NRXN3: variants seen among roughly 807,000 people sequenced by gnomAD.
The protein encoded by NRXN3 is neurexin 3.
NRXN3 carries 32 observed loss-of-function variants against 137.6 expected under a neutral mutation model. That is an observed-to-expected ratio of 0.23 (90% CI 0.18 to 0.31). The LOEUF is 0.31. Among genes scored for constraint, NRXN3 ranks in the 10% least tolerant of loss-of-function variants. The probability of loss-of-function intolerance (pLI) is 1.00; values close to 1 mark genes in which losing one functional copy is unlikely to be tolerated. For missense variants in NRXN3, 1,574 were observed against 2,062.5 expected, an observed-to-expected ratio of 0.76 and a Z score of 4.59; for synonymous variants, 798 against 784.5, an observed-to-expected ratio of 1.02 and a Z score of -0.29.
At chr14:79,415,520 T>C (rs1226184566) in intron 15 of NRXN3, among the ~76,000 whole-genome samples, 1 of 152,138 alleles carries the variant, frequency 6.6e-6, no homozygotes, top group African/African-American at 2.4e-5. Context: ...CTGAAGATTT[T>C]TGTGTCTGTG....
intron 1 of NRXN3, among the ~76,000 whole-genome samples, chr14:78,192,661 A>G (rs745989313): frequency 1.3e-5 from 2 of 152,080 alleles, no homozygotes; most frequent in Non-Finnish European, 2.9e-5. Context: ...AGTGTGAAGA[A>G]GGACTCCCTG....
intron 6 of NRXN3, among the ~76,000 whole-genome samples, chr14:78,689,157 T>C (rs2098148171): frequency 6.6e-6 from 1 of 152,090 alleles, no homozygotes; most frequent in South Asian, 2.1e-4. Flanking sequence ...TTTTCTCTTG[T>C]TATTTTGAAA....
intron 15 of NRXN3, among the ~76,000 whole-genome samples, chr14:79,255,683 A>G (rs1275184476): frequency 1.3e-5 from 2 of 152,256 alleles, no homozygotes; most frequent in East Asian, 1.9e-4. Flanking sequence ...TGTAATTTTC[A>G]ACATGGTGCT....
chr14:78,235,418 C>T (rs982873165), intron 1 of NRXN3, among the ~76,000 whole-genome samples: 1 of 152,010 alleles, frequency 6.6e-6, no homozygotes, highest in Non-Finnish European at 1.5e-5. Flanking sequence ...GTTCTTTAGC[C>T]AGTGACCAGT....
chr14:79,097,467 A>G (rs1006412611), intron 15 of NRXN3, among the ~76,000 whole-genome samples: 20 of 152,172 alleles, frequency 1.3e-4, no homozygotes, highest in African/African-American at 4.8e-4. Context: ...CAGATTAGGA[A>G]ATGAATTTAC....
At position 78,279,563 on chromosome 14, in the gene NRXN3, G is replaced by A. The variant is rs977275237; in HGVS notation, c.727+901G>A. 6 of 152,054 alleles carry A rather than the reference G, an allele frequency of 3.9e-5. No individual in the cohort carries two copies. In the South Asian group the frequency reaches 6.2e-4, roughly 16 times the overall value. 9.4% of individuals were successfully genotyped at this position (152,054 alleles called of 1,614,324 possible). On this transcript the variant is annotated intron_variant, in intron 3 of 20. Transcript: ENST00000335750. Reference sequence around the variant, plus strand: ...TATTTAATTTTTATAGCATTAATACGAGATAAGTATCATTATATTCATTTT... The same window carrying A: ...TATTTAATTTTTATAGCATTAATACAAGATAAGTATCATTATATTCATTTT...
rs1177541167 is a variant in NRXN3 at position 78,248,302 on chromosome 14, G to GCCCCC, written c.709+4510_709+4514dup. Reference sequence around the variant, plus strand: ...CAGTAGTGACTAGCCACCGCCCCCCGCCCCCCCCCCCCCCACCCGCCACCT... The same window carrying GCCCCC: ...CAGTAGTGACTAGCCACCGCCCCCCGCCCCCCCCCCCCCCCCCCCACCCGCCACCT... On this transcript the variant is annotated intron_variant, in intron 2 of 20. Coordinates refer to ENST00000335750, the MANE Select transcript of NRXN3 (RefSeq NM_001330195.2). 6.2e-4 allele frequency among the ~76,000 whole-genome samples: 14 copies of GCCCCC among 22,542 alleles called. No homozygotes were observed. The South Asian group carries it at 8.2e-3, about 13-fold the overall frequency. The allele number at this position is 22,542 out of a possible 152,430, so 14.8% of individuals were successfully genotyped here. A position where few individuals can be genotyped will look rare whatever the true frequency, so the allele number is the denominator to read the frequency against.
chr14:79,442,911 C>T (rs1225207744), intron 15 of NRXN3, among the ~76,000 whole-genome samples: 1 of 152,172 alleles, frequency 6.6e-6, no homozygotes, highest in Non-Finnish European at 1.5e-5. Context: ...TACTGCATTT[C>T]CCAGTGAAGT....
chr14:79,098,143 A>G (rs1255194331), intron 15 of NRXN3, among the ~76,000 whole-genome samples: 3 of 152,126 alleles, frequency 2.0e-5, no homozygotes, highest in Non-Finnish European at 4.4e-5. Flanking sequence ...TAGGATTTAA[A>G]ATGCTTTATT....
chr14:79,120,338 TAAC>T, intron 15 of NRXN3, among the ~76,000 whole-genome samples: 1 of 152,058 alleles, frequency 6.6e-6, no homozygotes, highest in East Asian at 1.9e-4. Flanking sequence ...CTTTAAGTAA[TAAC>T]AAAGCTGAAA....
intron 15 of NRXN3, among the ~76,000 whole-genome samples, chr14:79,276,891 C>T (rs1282468888): frequency 1.3e-5 from 2 of 152,118 alleles, no homozygotes; most frequent in African/African-American, 4.8e-5. Context: ...TTCATTCAGC[C>T]AGTATTTACT....
rs1338237743 is a variant in NRXN3, at chr14:78,235,040, G to GTATATATATATATATATA, written c.-703-7350_-703-7349insATATATATATATATATAT. Among the ~76,000 whole-genome samples the GTATATATATATATATATA allele has an allele frequency of 1.3e-3, 131 of 103,772 alleles. 1 individual carries two copies. The highest frequency in any genetic ancestry group is 3.7e-3 in the African/African-American group (117 of 31,242). The allele number at this position is 103,772 out of a possible 152,430, so 68.1% of individuals were successfully genotyped here. ...TATATATATGTGTATATATATATGT[G>GTATATATATATATATATA]TGTGTGTGTGTGTGTGTCTTTTTGT... is the stretch of plus-strand genomic sequence containing the variant. On this transcript the variant is annotated intron_variant, in intron 1 of 20. Coordinates refer to ENST00000335750, the MANE Select transcript of NRXN3 (RefSeq NM_001330195.2).
In NRXN3 at chr14:78,523,616, G is replaced by A. The variant is rs529187654; in HGVS notation, c.758-121504G>A. Among the ~76,000 whole-genome samples, 12 of 138,904 alleles carry A rather than the reference G, an allele frequency of 8.6e-5. No individual in the cohort carries two copies. In the South Asian group the frequency reaches 1.4e-3, roughly 16 times the overall value. 91.1% of individuals were successfully genotyped at this position (138,904 alleles called of 152,430 possible). ...AGATTGAGACCATCCTGGCTAACAC[G>A]GTGAAACCCCGTCTCTACTACAAAT... On this transcript the variant is annotated intron_variant, in intron 4 of 20. Transcript: ENST00000335750.
intron 16 of NRXN3, among the ~76,000 whole-genome samples, chr14:79,544,973 A>G (rs1317705265): frequency 1.3e-5 from 2 of 152,204 alleles, no homozygotes; most frequent in Non-Finnish European, 1.5e-5. Context: ...AGATGTTCAT[A>G]GTCTCTTCTA....
intron 19 of NRXN3, among the ~76,000 whole-genome samples, chr14:79,799,886 G>A (rs2140465717): frequency 6.6e-6 from 1 of 152,276 alleles, no homozygotes; most frequent in South Asian, 2.1e-4. Flanking sequence ...GAGGAACTGT[G>A]TCTTATCTAT....
chr14:79,598,712 T>A (rs2097889278), intron 16 of NRXN3, among the ~76,000 whole-genome samples: 2 of 152,118 alleles, frequency 1.3e-5, no homozygotes, highest in Non-Finnish European at 2.9e-5. Context: ...GGGTTGTGGG[T>A]TTGGGGAGAA....
intron 19 of NRXN3, among the ~76,000 whole-genome samples, chr14:79,704,816 CTCTGGTGACAT>C (rs2098770317): frequency 6.6e-6 from 1 of 152,130 alleles, no homozygotes; most frequent in East Asian, 1.9e-4. Flanking sequence ...TGGTAAGATT[CTCTGGTGACAT>C]TTACTCTCTG....
At chr14:79,842,924 A>G (rs1257694476) in intron 20 of NRXN3, among the ~76,000 whole-genome samples, 1 of 151,884 alleles carries the variant, frequency 6.6e-6, no homozygotes, top group African/African-American at 2.4e-5. Flanking sequence ...TTTATTCTCT[A>G]TCTCTGTGGG....
chr14:79,274,014 T>C (rs1437421934), intron 15 of NRXN3, among the ~76,000 whole-genome samples: 4 of 151,284 alleles, frequency 2.6e-5, no homozygotes. Flanking sequence ...GGAGAATTGC[T>C]TGAACTGGGA....
Sources: allele counts gnomAD v4.1 joint callset (sites outside exome capture counted in the v4.1 genomes callset), GRCh38; gene constraint gnomAD v4.1.1; transcripts MANE v1.5; gene names NCBI Gene and HGNC (gene_info 2026-07-23, HGNC 2026-07-21).